The following MACROD1 variants were observed in gnomAD, a reference collection of about 807,000 sequenced individuals.
MACROD1 encodes ADP-ribose glycohydrolase MACROD1.
A neutral mutation model predicts 41.4 loss-of-function variants in MACROD1; 31 were observed. The ratio of observed to expected loss-of-function variants is 0.75; its 90% CI spans 0.56 to 1.01. MACROD1 has a LOEUF of 1.01. Among genes scored for constraint, MACROD1 ranks in the 50% least tolerant of loss-of-function variants. The pLI is 0.00. For synonymous variants in MACROD1, 252 were observed against 203.4 expected (o/e 1.24, Z -2.03); for missense variants, 473 against 460.0 (o/e 1.03, Z -0.26).
At chr11:64,074,773 C>T (rs1310342932) in intron 3 of MACROD1, among the ~76,000 whole-genome samples, 2 of 152,192 alleles carry the variant, frequency 1.3e-5, no homozygotes, top group Non-Finnish European at 2.9e-5. Context: ...TCTCATGAAA[C>T]AAGCAGGTTA....
chr11:64,126,310 G>A lies in MACROD1; in HGVS notation c.517+24929C>T, dbSNP rs531469806. 1.8e-4 allele frequency among the ~76,000 whole-genome samples: 27 copies of A among 152,300 alleles called. No individual in the cohort carries two copies. In the South Asian group the frequency reaches 5.0e-3, roughly 28 times the overall value. Reference sequence around the variant, plus strand: ...TGGGGAGGAAGCCACACGGCCCAGCGCTCAGGGCTTGTCATCCAAGAGTGA... The same window carrying A: ...TGGGGAGGAAGCCACACGGCCCAGCACTCAGGGCTTGTCATCCAAGAGTGA... On this transcript the variant is annotated intron_variant, in intron 3 of 10. Coordinates refer to ENST00000255681, the MANE Select transcript of MACROD1 (RefSeq NM_014067.4).
intron 10 of MACROD1, 45 bp downstream of exon 10, chr11:63,998,792 GT>G: frequency 6.8e-7 from 1 of 1,466,478 alleles, no homozygotes. Flanking sequence ...TAGTGGGCGG[GT>G]TAGTCTAGGG....
chr11:64,132,800 T>C (rs1293859996), intron 3 of MACROD1, among the ~76,000 whole-genome samples: 2 of 152,206 alleles, frequency 1.3e-5, no homozygotes, highest in East Asian at 3.8e-4. Context: ...CGGGGGCCAG[T>C]GGTGCCAGGC....
chr11:64,038,296 T>A (rs1257113788), intron 3 of MACROD1, among the ~76,000 whole-genome samples: 4 of 152,170 alleles, frequency 2.6e-5, no homozygotes, highest in African/African-American at 4.8e-5. Context: ...GCCTGCAGCC[T>A]CCCCTCTGGG....
intron 3 of MACROD1, among the ~76,000 whole-genome samples, chr11:64,038,880 G>A (rs1417975760): frequency 4.6e-5 from 7 of 152,192 alleles, no homozygotes; most frequent in Non-Finnish European, 1.0e-4. Context: ...CAAGTGACCC[G>A]TCTTCCTCAT....
intron 1 of MACROD1, among the ~76,000 whole-genome samples, chr11:64,156,376 A>G (rs528176572): frequency 6.6e-6 from 1 of 152,292 alleles, no homozygotes; most frequent in African/African-American, 2.4e-5. Flanking sequence ...GCACTCCCAG[A>G]CGGCTGGACC....
intron 3 of MACROD1, among the ~76,000 whole-genome samples, chr11:64,083,773 G>GC (rs950129761): frequency 1.3e-5 from 2 of 152,220 alleles, no homozygotes; most frequent in African/African-American, 4.8e-5. Context: ...AAGGGCCCCA[G>GC]CCCCAAATTC....
At chr11:64,155,488 C>T (rs1945653348) in intron 1 of MACROD1, among the ~76,000 whole-genome samples, 1 of 152,228 alleles carries the variant, frequency 6.6e-6, no homozygotes, top group South Asian at 2.1e-4. Context: ...GGAATAGGGA[C>T]AAGGCAGGCC....
intron 3 of MACROD1, among the ~76,000 whole-genome samples, chr11:64,042,086 G>A (rs1460026854): frequency 6.6e-6 from 1 of 152,172 alleles, no homozygotes; most frequent in Non-Finnish European, 1.5e-5. Flanking sequence ...CAGGGAAGGT[G>A]GCGGTGGCCC....
At position 64,064,737 on chromosome 11, in the gene MACROD1, C is replaced by T. The variant is rs145908110; in HGVS notation, c.518-49456G>A. Among the ~76,000 whole-genome samples the T allele has an allele frequency of 1.6e-3, 240 of 151,352 alleles. No homozygotes were observed. Among genetic ancestry groups the T allele is most frequent in the Admixed American group, 3.1e-3 (47 of 15,164 alleles). ...TCTCCCCTCCCTGCCAGCCCCCCAGCAGGCAGCCAGGCCTGGACCCACCAT... is the reference window on the plus strand; with the variant it reads ...TCTCCCCTCCCTGCCAGCCCCCCAGTAGGCAGCCAGGCCTGGACCCACCAT... On this transcript the variant is annotated intron_variant, in intron 3 of 10. Coordinates refer to ENST00000255681, the MANE Select transcript of MACROD1 (RefSeq NM_014067.4). This position sits in a 1 kb window ranked among gnomAD's most constrained non-coding sequence, Gnocchi z 4.5.
chr11:64,074,458 G>A (rs1944165723), intron 3 of MACROD1, among the ~76,000 whole-genome samples: 2 of 152,214 alleles, frequency 1.3e-5, no homozygotes, highest in Admixed American at 1.3e-4. Context: ...GAACAGCCGT[G>A]GGAGGGAGGA....
intron 3 of MACROD1, among the ~76,000 whole-genome samples, chr11:64,141,323 C>T (rs1468161050): frequency 6.6e-6 from 1 of 152,210 alleles, no homozygotes; most frequent in Non-Finnish European, 1.5e-5. Flanking sequence ...TGTCTGAGCC[C>T]ACTCTAGAGG....
intron 2 of MACROD1, among the ~76,000 whole-genome samples, chr11:64,151,717 C>T (rs1945581420): frequency 6.6e-6 from 1 of 152,184 alleles, no homozygotes; most frequent in South Asian, 2.1e-4. Context: ...GCAACCAAAT[C>T]GCAGCTTCAA....
intron 3 of MACROD1, among the ~76,000 whole-genome samples, chr11:64,130,720 C>T (rs1479198149): frequency 6.6e-6 from 1 of 152,202 alleles, no homozygotes; most frequent in Non-Finnish European, 1.5e-5. Context: ...CGCCGCCGCA[C>T]CCACGTCACC....
chr11:64,013,773 G>A (rs1355307069), intron 4 of MACROD1, among the ~76,000 whole-genome samples: 3 of 152,222 alleles, frequency 2.0e-5, no homozygotes, highest in African/African-American at 7.2e-5. Flanking sequence ...CTGGGCTCCA[G>A]TCATTCCTGT....
intron 3 of MACROD1, among the ~76,000 whole-genome samples, chr11:64,017,455 T>G (rs1424537420): frequency 6.6e-6 from 1 of 151,458 alleles, no homozygotes; most frequent in Non-Finnish European, 1.5e-5. Flanking sequence ...ATTGGAAGAG[T>G]CTGTCTGACT....
At chr11:64,143,800 AC>A (rs1456426614) in intron 3 of MACROD1, among the ~76,000 whole-genome samples, 9 of 144,058 alleles carry the variant, frequency 6.2e-5, no homozygotes, top group South Asian at 2.2e-4. Context: ...ACACACACAC[AC>A]AATTTCCTGG....
rs565009290 is a variant in MACROD1, at chr11:64,101,442, G to A, written c.517+49797C>T. ...GAGCTCAGTGGTTTCTCTCTTTATC[G>A]GGAGGCAGCGGCCACAGCTGACTGG... On this transcript the variant is annotated intron_variant, in intron 3 of 10. Coordinates refer to ENST00000255681, the MANE Select transcript of MACROD1 (RefSeq NM_014067.4). Among the ~76,000 whole-genome samples the A allele has an allele frequency of 3.9e-4, 60 of 152,152 alleles. No homozygotes were observed. The East Asian group carries it at 9.5e-3, about 24-fold the overall frequency.
At chr11:64,062,724 A>G (rs1038927653) in intron 3 of MACROD1, among the ~76,000 whole-genome samples, 1 of 152,172 alleles carries the variant, frequency 6.6e-6, no homozygotes, top group African/African-American at 2.4e-5. Context: ...TGCCCCGCGC[A>G]GCCTGACCCA....
Sources: allele counts gnomAD v4.1 joint callset (sites outside exome capture counted in the v4.1 genomes callset), GRCh38; gene constraint gnomAD v4.1.1; non-coding constraint Gnocchi (gnomAD v3.1); transcripts MANE v1.5; gene names NCBI Gene and HGNC (gene_info 2026-07-23, HGNC 2026-07-21).